Variants in TUT7 observed in about 807,000 individuals in gnomAD.
TUT7 encodes the protein terminal uridylyltransferase 7.
In TUT7, 33 loss-of-function variants were observed where a neutral mutation model predicts 165.9. The observed-to-expected ratio is 0.20, with a 90% confidence interval of 0.15 to 0.27. The LOEUF (loss-of-function observed/expected upper bound fraction) is 0.27, where lower values mean the gene tolerates loss of function less well. TUT7 is among the 10% of genes least tolerant of loss of function. TUT7 has a pLI of 1.00. For missense variants in TUT7, 1,338 were observed against 1,762.3 expected (o/e 0.76, Z 4.31); for synonymous variants, 552 against 608.1 (o/e 0.91, Z 1.36).
intron 25 of TUT7, among the ~76,000 whole-genome samples, chr9:86,302,617 C>CT (rs34589090): frequency 0.44 from 60,722 of 139,302 alleles, 13,328 homozygotes; most frequent in Middle Eastern, 0.59. Context: ...TACACCTGGG[C>CT]TTTTTTTTTT....
chr9:86,341,124 C>T (rs1478370514), intron 6 of TUT7, 71 bp from the exon 7 acceptor site: 32 of 1,257,704 alleles, frequency 2.5e-5, no homozygotes, highest in South Asian at 3.7e-5. Flanking sequence ...AAGAGTCATC[C>T]GAAGTTCCCC....
intron 2 of TUT7, among the ~76,000 whole-genome samples, chr9:86,348,982 T>C (rs1832027839): frequency 6.6e-6 from 1 of 152,050 alleles, no homozygotes; most frequent in Non-Finnish European, 1.5e-5. Context: ...AGCTAGGTAC[T>C]GATGAAAAAT....
intron 9 of TUT7, among the ~76,000 whole-genome samples, chr9:86,338,379 CTGTT>C (rs948918161): frequency 6.6e-6 from 1 of 152,004 alleles, no homozygotes; most frequent in African/African-American, 2.4e-5. Context: ...AAATCTTCTA[CTGTT>C]TGAGTATTTT....
chr9:86,339,218 A>C (rs1831108349), intron 8 of TUT7, among the ~76,000 whole-genome samples: 1 of 152,166 alleles, frequency 6.6e-6, no homozygotes, highest in South Asian at 2.1e-4. Flanking sequence ...GGAAATGCAA[A>C]TAAGGAAAAT....
intron 17 of TUT7, among the ~76,000 whole-genome samples, chr9:86,313,522 T>C (rs892659249): frequency 1.3e-5 from 2 of 152,192 alleles, no homozygotes; most frequent in African/African-American, 4.8e-5. Context: ...TTTATCACCC[T>C]CATCTTACAG....
chr9:86,321,532 C>CA (rs1445984343), intron 14 of TUT7, among the ~76,000 whole-genome samples: 1 of 151,952 alleles, frequency 6.6e-6, no homozygotes, highest in Non-Finnish European at 1.5e-5. Flanking sequence ...AGTTTGAGAC[C>CA]AGCCTGGCCA....
intron 14 of TUT7, among the ~76,000 whole-genome samples, chr9:86,320,524 C>A (rs1000511950): frequency 1.3e-5 from 2 of 152,078 alleles, no homozygotes; most frequent in African/African-American, 4.8e-5. Context: ...TTCTCAGATA[C>A]CTTCAATATG....
At chr9:86,297,573 A>C (rs999722570) in intron 26 of TUT7, among the ~76,000 whole-genome samples, 1 of 152,072 alleles carries the variant, frequency 6.6e-6, no homozygotes, top group Non-Finnish European at 1.5e-5. Flanking sequence ...CATATCTATC[A>C]TTTTAGTATT....
At position 86,311,143 on chromosome 9, in the gene TUT7, T is replaced by C. The variant is rs886586575; in HGVS notation, c.3275-334A>G. On this transcript the variant is annotated intron_variant, in intron 17 of 26. Transcript: ENST00000375963. The surrounding 1 kb of genome is among the most constrained non-coding windows in gnomAD (Gnocchi z 4.4). ...AAGACAAATACCAAACAGAGGAAAC[T>C]ACTATAGAGTCTGAACTATGTGGTT... is the stretch of plus-strand genomic sequence containing the variant. Among the ~76,000 whole-genome samples the C allele has an allele frequency of 2.6e-5, 4 of 152,234 alleles. No individual in the cohort carries two copies. The highest frequency in any genetic ancestry group is 9.6e-5 in the African/African-American group (4 of 41,466).
Position 86,338,915 on chromosome 9 carries a change from T to C in TUT7, c.1243A>G (p.Asn415Asp). Residue 415 changes from asparagine (N) to aspartate (D), a missense_variant, in exon 9 of 27, where the codon AAT becomes GAT. Asn to Asp is a conservative substitution (Grantham distance 23). Coordinates refer to ENST00000375963, the MANE Select transcript of TUT7 (RefSeq NM_024617.4). ...LLCKVSAGNE[N>D]ACLTTKHLTA... is the part of the protein sequence containing the mutation. Reference sequence around the variant, plus strand: ...AAATGCTTTGTTGTCAGACAAGCATTTTCATTTCCTGCGCTCACTTTACAC... The same window carrying C: ...AAATGCTTTGTTGTCAGACAAGCATCTTCATTTCCTGCGCTCACTTTACAC... 1 of 1,611,408 alleles carries C rather than the reference T, an allele frequency of 6.2e-7. No individual in the cohort carries two copies. Among genetic ancestry groups the C allele is most frequent in the Non-Finnish European group, 8.5e-7 (1 of 1,178,734 alleles).
At chr9:86,316,789 A>G (rs700758) in intron 17 of TUT7, among the ~76,000 whole-genome samples, 84,664 of 152,022 alleles carry the variant, frequency 0.56, 23,809 homozygotes, top group African/African-American at 0.56. Flanking sequence ...CATGGCATTA[A>G]TAAACTCTAA....
chr9:86,301,638 C>A, intron 25 of TUT7, 37 bp from the exon 26 acceptor site: 1 of 1,562,646 alleles, frequency 6.4e-7, no homozygotes, highest in Non-Finnish European at 8.6e-7. Flanking sequence ...AAAATCTAAA[C>A]AGAAGCCTAA....
At chr9:86,345,989 C>CAA (rs1335147672) in intron 3 of TUT7, among the ~76,000 whole-genome samples, 1 of 152,152 alleles carries the variant, frequency 6.6e-6, no homozygotes, top group African/African-American at 2.4e-5. Flanking sequence ...TGAGTTCAAG[C>CAA]AATCCTCCTG....
At position 86,343,062 on chromosome 9, in the gene TUT7, AT is replaced by A. The variant is rs781235680; in HGVS notation, c.1086+12del. 1 of 1,569,292 alleles carries A rather than the reference AT, an allele frequency of 6.4e-7. No individual in the cohort carries two copies. ...ACCACTCTGAAAGTGCCAGCATTTC[AT>A]TTTGTACTTACAATGGCTGGAAACT... On this transcript the variant is annotated intron_variant, in intron 6 of 26. Transcript: ENST00000375963.
In TUT7 at chr9:86,353,087, T is replaced by C; in HGVS notation, c.113A>G (p.Asp38Gly). The change falls in exon 2 of 27, where the codon GAC becomes GGC. Residue 38 changes from aspartate (D) to glycine (G), a missense_variant. By Grantham distance (94) the Asp-to-Gly change is moderately conservative. Transcript: ENST00000375963. Reference sequence around the variant, plus strand: ...TTTACTGCCATGGCCTTTAGCATGGTCATCTATTATTAAATAATCTTGTTG... The same window carrying C: ...TTTACTGCCATGGCCTTTAGCATGGCCATCTATTATTAAATAATCTTGTTG... ...HPQQDYLIID[D>G]HAKGHGSKME... 7 of 1,614,078 alleles carry C rather than the reference T, an allele frequency of 4.3e-6. No individual in the cohort carries two copies. Among genetic ancestry groups the C allele is most frequent in the Non-Finnish European group, 5.9e-6 (7 of 1,180,006 alleles).
At chr9:86,339,555 T>C (rs1471586143) in intron 8 of TUT7, among the ~76,000 whole-genome samples, 1 of 152,202 alleles carries the variant, frequency 6.6e-6, no homozygotes, top group East Asian at 1.9e-4. Context: ...GATTCATCTC[T>C]GTAACAATAA....
chr9:86,289,985 A>T (rs1825789258), intron 26 of TUT7, among the ~76,000 whole-genome samples: 1 of 152,204 alleles, frequency 6.6e-6, no homozygotes, highest in Admixed American at 6.5e-5. Flanking sequence ...AAAACAAGGT[A>T]TAAAACTATA....
intron 14 of TUT7, among the ~76,000 whole-genome samples, chr9:86,321,005 C>T (rs1378907077): frequency 6.6e-6 from 1 of 152,138 alleles, no homozygotes; most frequent in African/African-American, 2.4e-5. Flanking sequence ...ACACCACCAA[C>T]CTTTACATAG....
At chr9:86,298,876 T>C (rs1826612844) in intron 26 of TUT7, 1 of 926,262 alleles carries the variant, frequency 1.1e-6, no homozygotes, top group African/African-American at 1.8e-5. Flanking sequence ...AGGAAGAGCA[T>C]CTGAAACAGC....
Sources: gnomAD v4.1 joint callset for allele counts (sites outside exome capture counted in the v4.1 genomes callset) on GRCh38, gnomAD v4.1.1 for gene constraint, Gnocchi (gnomAD v3.1) non-coding constraint, MANE v1.5 for transcripts, NCBI Gene and HGNC (gene_info 2026-07-23, HGNC 2026-07-21) for gene names.